DCC: variants seen among roughly 807,000 people sequenced by gnomAD.
DCC encodes the protein netrin receptor DCC.
Under a neutral mutation model 172.5 loss-of-function variants are expected in DCC, and 58 were observed. The observed-to-expected ratio is 0.34, with a 90% confidence interval of 0.27 to 0.42. The LOEUF (loss-of-function observed/expected upper bound fraction) is 0.42, where lower values mean the gene tolerates loss of function less well. Among genes scored for constraint, DCC ranks in the 10% least tolerant of loss-of-function variants. The pLI, the probability that DCC is intolerant of heterozygous loss-of-function variation, is 1.00. For missense variants in DCC, 1,740 were observed against 1,791.0 expected (o/e 0.97, Z 0.51); for synonymous variants, 709 against 644.5 (o/e 1.10, Z -1.52).
intron 8 of DCC, among the ~76,000 whole-genome samples, chr18:53,177,843 A>C (rs2055132057): frequency 6.6e-6 from 1 of 152,234 alleles, no homozygotes; most frequent in African/African-American, 2.4e-5. Context: ...TAAGCGAGCC[A>C]GTCTCTGCCA....
intron 24 of DCC, among the ~76,000 whole-genome samples, chr18:53,461,293 C>T (rs1460306216): frequency 1.3e-5 from 2 of 151,378 alleles, no homozygotes; most frequent in Non-Finnish European, 2.9e-5. Flanking sequence ...TAATTAGATC[C>T]CATTTGTCAA....
intron 2 of DCC, among the ~76,000 whole-genome samples, chr18:52,871,332 T>C (rs1358057970): frequency 6.6e-6 from 1 of 152,050 alleles, no homozygotes; most frequent in Non-Finnish European, 1.5e-5. Context: ...CTTTTTTTTT[T>C]TTGGCTGCCC....
At chr18:52,713,377 C>T (rs1029119581) in intron 1 of DCC, among the ~76,000 whole-genome samples, 2 of 152,166 alleles carry the variant, frequency 1.3e-5, no homozygotes, top group Admixed American at 6.5e-5. Context: ...CAAAACTGAA[C>T]TTTAATTCTA....
At chr18:52,579,409 C>T (rs2033492028) in intron 1 of DCC, among the ~76,000 whole-genome samples, 1 of 152,168 alleles carries the variant, frequency 6.6e-6, no homozygotes, top group African/African-American at 2.4e-5. Flanking sequence ...ATATGATTTG[C>T]CCTAAATGGC....
chr18:53,207,323 A>C (rs12963433), intron 10 of DCC, among the ~76,000 whole-genome samples: 6,772 of 152,284 alleles, frequency 0.044, 186 homozygotes, highest in East Asian at 0.11. Flanking sequence ...TTGGTGAATT[A>C]TTCCATTTTG....
chr18:52,736,701 GCAAA>G (rs1418292278), intron 1 of DCC, among the ~76,000 whole-genome samples: 1 of 152,092 alleles, frequency 6.6e-6, no homozygotes, highest in Non-Finnish European at 1.5e-5. Flanking sequence ...ATGTTATATA[GCAAA>G]CAGTGACTTT....
At chr18:52,411,372 T>A (rs1986837231) in intron 1 of DCC, among the ~76,000 whole-genome samples, 1 of 152,174 alleles carries the variant, frequency 6.6e-6, no homozygotes, top group Admixed American at 6.5e-5. Flanking sequence ...TTGACCCAGA[T>A]ACAGGCTGTT....
intron 7 of DCC, among the ~76,000 whole-genome samples, chr18:53,126,863 G>A (rs183033398): frequency 1.3e-5 from 2 of 152,202 alleles, no homozygotes; most frequent in East Asian, 1.9e-4. Flanking sequence ...ACTCACAAAT[G>A]AGAGCTTAAA....
At chr18:52,715,888 T>A (rs1309930738) in intron 1 of DCC, among the ~76,000 whole-genome samples, 2 of 145,410 alleles carry the variant, frequency 1.4e-5, no homozygotes, top group African/African-American at 4.9e-5. Context: ...GGCTTAGAAT[T>A]CAGGCTATCT....
In DCC at chr18:53,517,443, TATAATAATAATA is replaced by T. The variant is rs71179517; in HGVS notation, c.4112-9151_4112-9140del. On this transcript the variant is annotated intron_variant, in intron 27 of 28. Transcript: ENST00000442544. Reference sequence around the variant, plus strand: ...TGCACATGTACCCTAAAACTTAAAATATAATAATAATAATAATAATAATAATAATAATAAAGG... The same window carrying T: ...TGCACATGTACCCTAAAACTTAAAATATAATAATAATAATAATAATAAAGG... Among the ~76,000 whole-genome samples, 696 of 142,498 alleles carry T rather than the reference TATAATAATAATA, an allele frequency of 4.9e-3. 13 individuals are homozygous for T. The highest frequency in any genetic ancestry group is 0.014 in the Middle Eastern group (4 of 276). 93.5% of individuals were successfully genotyped at this position (142,498 alleles called of 152,430 possible).
chr18:53,478,712 T>C (rs1372261656), intron 25 of DCC, among the ~76,000 whole-genome samples: 1 of 152,208 alleles, frequency 6.6e-6, no homozygotes, highest in Non-Finnish European at 1.5e-5. Context: ...TGAGAGCCAA[T>C]GCTCTCCTTC....
At chr18:52,731,103 C>T (rs994055805) in intron 1 of DCC, among the ~76,000 whole-genome samples, 1 of 152,180 alleles carries the variant, frequency 6.6e-6, no homozygotes, top group Admixed American at 6.6e-5. Flanking sequence ...GTGTTTGTGT[C>T]TATTATGTGG....
chr18:52,373,186 T>G (rs1018347911), intron 1 of DCC, among the ~76,000 whole-genome samples: 3 of 152,068 alleles, frequency 2.0e-5, no homozygotes, highest in African/African-American at 7.2e-5. Context: ...CAAGGCAGAG[T>G]GAGGCAAACT....
intron 5 of DCC, among the ~76,000 whole-genome samples, chr18:52,975,418 C>T (rs979296478): frequency 6.6e-6 from 1 of 151,992 alleles, no homozygotes; most frequent in African/African-American, 2.4e-5. Context: ...CATAGGTAAA[C>T]TTGTGTCATG....
chr18:52,588,165 A>C (rs1283295356), intron 1 of DCC, among the ~76,000 whole-genome samples: 3 of 152,210 alleles, frequency 2.0e-5, no homozygotes, highest in African/African-American at 7.2e-5. Flanking sequence ...AGTTATCTGC[A>C]GAAGATGGAA....
At chr18:52,602,351 T>C (rs891833833) in intron 1 of DCC, among the ~76,000 whole-genome samples, 1 of 151,834 alleles carries the variant, frequency 6.6e-6, no homozygotes, top group African/African-American at 2.4e-5. Flanking sequence ...TTATCTCTTA[T>C]GATTGCTAAT....
At chr18:52,903,464 C>A (rs573308233) in intron 2 of DCC, among the ~76,000 whole-genome samples, 1 of 152,232 alleles carries the variant, frequency 6.6e-6, no homozygotes, top group East Asian at 1.9e-4. Flanking sequence ...ACCTTTGCCT[C>A]CTAAAATGCT....
intron 7 of DCC, among the ~76,000 whole-genome samples, chr18:53,076,845 A>G (rs1297401392): frequency 6.6e-6 from 1 of 152,088 alleles, no homozygotes; most frequent in Non-Finnish European, 1.5e-5. Flanking sequence ...TTGCTAGGAG[A>G]TTGGGCATAC....
At chr18:52,874,002 T>C (rs983269645) in intron 2 of DCC, among the ~76,000 whole-genome samples, 1 of 152,210 alleles carries the variant, frequency 6.6e-6, no homozygotes, top group African/African-American at 2.4e-5. Context: ...TCATTCTACT[T>C]TTTCTTTGTC....
Sources: allele counts gnomAD v4.1 joint callset (sites outside exome capture counted in the v4.1 genomes callset), GRCh38; gene constraint gnomAD v4.1.1; transcripts MANE v1.5; gene names NCBI Gene and HGNC (gene_info 2026-07-23, HGNC 2026-07-21).